MGAT4C: variants seen among roughly 807,000 people sequenced by gnomAD.
The protein encoded by MGAT4C is alpha-1,3-mannosyl-glycoprotein 4-beta-N-acetylglucosaminyltransferase C.
A neutral mutation model predicts 40.1 loss-of-function variants in MGAT4C; 19 were observed. The ratio of observed to expected loss-of-function variants is 0.47; its 90% CI spans 0.33 to 0.70. MGAT4C has a LOEUF of 0.70. MGAT4C is among the 30% of genes least tolerant of loss of function. The probability of loss-of-function intolerance (pLI) is 0.02; values close to 1 mark genes in which losing one functional copy is unlikely to be tolerated. For synonymous variants in MGAT4C, 181 were observed against 187.1 expected, an observed-to-expected ratio of 0.97 and a Z score of 0.27; for missense variants, 491 against 563.2, an observed-to-expected ratio of 0.87 and a Z score of 1.30.
At chr12:86,376,456 T>G (rs530959987) in intron 3 of MGAT4C, among the ~76,000 whole-genome samples, 1 of 152,118 alleles carries the variant, frequency 6.6e-6, no homozygotes, top group South Asian at 2.1e-4. Flanking sequence ...GAAATACAAT[T>G]TTTTAGTCAG....
At chr12:86,621,794 A>C (rs1453060039) in intron 2 of MGAT4C, among the ~76,000 whole-genome samples, 1 of 152,196 alleles carries the variant, frequency 6.6e-6, no homozygotes, top group East Asian at 1.9e-4. Context: ...AAGTTGACTT[A>C]ACAATTTTTC....
chr12:86,488,163 T>C (rs1316346620), intron 2 of MGAT4C, among the ~76,000 whole-genome samples: 1 of 151,214 alleles, frequency 6.6e-6, no homozygotes, highest in Non-Finnish European at 1.5e-5. Flanking sequence ...AGTGAGAGGA[T>C]AGTGTGGACC....
chr12:86,511,784 CA>C (rs1014562371), intron 2 of MGAT4C, among the ~76,000 whole-genome samples: 2 of 152,048 alleles, frequency 1.3e-5, no homozygotes, highest in African/African-American at 4.8e-5. Flanking sequence ...CTTAAAATAA[CA>C]AAATCCTTGA....
At chr12:86,350,985 A>G (rs978406420) in intron 3 of MGAT4C, among the ~76,000 whole-genome samples, 3 of 151,660 alleles carry the variant, frequency 2.0e-5, no homozygotes, top group Non-Finnish European at 4.4e-5. Context: ...ATATCTATAT[A>G]TATAAACCCA....
At position 86,700,009 on chromosome 12, in the gene MGAT4C, T is replaced by A. The variant is rs116613486; in HGVS notation, c.-229+27200A>T. Among the ~76,000 whole-genome samples, 498 of 136,558 alleles carry A rather than the reference T, an allele frequency of 3.6e-3. 4 individuals carry two copies. Among genetic ancestry groups the A allele is most frequent in the African/African-American group, 0.013 (476 of 37,274 alleles). 89.6% of individuals were successfully genotyped at this position (136,558 alleles called of 152,430 possible). On this transcript the variant is annotated intron_variant, in intron 2 of 7. Coordinates refer to the MGAT4C transcript ENST00000548651. ...ATTGGGCCTATGCAGTTCAAATCTA[T>A]GTTGTTCAGGGGTCAAATTTAGATA...
rs1371830098 is a variant in MGAT4C at position 86,550,518 on chromosome 12, A to AC, written c.-228-115254dup. Among the ~76,000 whole-genome samples, 12 of 152,276 alleles carry AC rather than the reference A, an allele frequency of 7.9e-5. 1 individual carries two copies. Among genetic ancestry groups the AC allele is most frequent in the Middle Eastern group, 6.8e-3 (2 of 294 alleles). ...ACAGGGTCATCTGGAAATGAGTGCC[A>AC]CCTCTGGAGTGTGCCCTGCTTTGAG... is the stretch of plus-strand genomic sequence containing the variant. On this transcript the variant is annotated intron_variant, in intron 2 of 7. Transcript: ENST00000548651.
chr12:86,002,561 TTATAA>T (rs1458229397), intron 2 of MGAT4C: 3 of 151,528 alleles, frequency 2.0e-5, no homozygotes, highest in Admixed American at 6.6e-5. Context: ...TTAAGATCTC[TTATAA>T]TATATGTATA....
chr12:86,118,077 A>C (rs2135671187), intron 1 of MGAT4C, among the ~76,000 whole-genome samples: 1 of 152,320 alleles, frequency 6.6e-6, no homozygotes, highest in African/African-American at 2.4e-5. Flanking sequence ...ACTACCTTCA[A>C]ATAACTAGAA....
At chr12:86,519,329 A>G (rs1032075601) in intron 2 of MGAT4C, among the ~76,000 whole-genome samples, 11 of 152,170 alleles carry the variant, frequency 7.2e-5, no homozygotes, top group African/African-American at 2.7e-4. Context: ...GGTTGATTCC[A>G]TATTTTGGCT....
intron 1 of MGAT4C, among the ~76,000 whole-genome samples, chr12:86,115,414 A>T (rs889105820): frequency 1.3e-5 from 2 of 152,034 alleles, no homozygotes; most frequent in African/African-American, 4.8e-5. Context: ...ATACTAATTT[A>T]AATGACACAA....
chr12:86,469,761 A>C (rs1957732063), intron 2 of MGAT4C, among the ~76,000 whole-genome samples: 1 of 152,240 alleles, frequency 6.6e-6, no homozygotes, highest in South Asian at 2.1e-4. Flanking sequence ...ACCCATAGAA[A>C]CTGTGAGATA....
chr12:86,787,900 C>A (rs1951959515), intron 1 of MGAT4C, among the ~76,000 whole-genome samples: 1 of 152,130 alleles, frequency 6.6e-6, no homozygotes, highest in Admixed American at 6.6e-5. Flanking sequence ...GAGAGGAATA[C>A]CTTTGGCCAA....
intron 4 of MGAT4C, among the ~76,000 whole-genome samples, chr12:86,281,614 C>T (rs1953221692): frequency 6.6e-6 from 1 of 151,950 alleles, no homozygotes; most frequent in African/African-American, 2.4e-5. Flanking sequence ...GAACTCATGG[C>T]CTGAAGTCAT....
In MGAT4C at chr12:86,129,010, A is replaced by G. The variant is rs574508495; in HGVS notation, c.-56-79287T>C. ...ATTTGGGTTTACTTCTAGGTTCTCT[A>G]TTATGTTCCATTGGTCTATGTGCCT... is the stretch of plus-strand genomic sequence containing the variant. On this transcript the variant is annotated intron_variant, in intron 1 of 4. Coordinates refer to ENST00000611864, the MANE Select transcript of MGAT4C (RefSeq NM_001351288.2). Among the ~76,000 whole-genome samples the G allele has an allele frequency of 5.3e-5, 8 of 152,206 alleles. No individual in the cohort carries two copies. The South Asian group carries it at 1.7e-3, about 32-fold the overall frequency.
At chr12:86,284,369 C>G (rs541291527) in intron 4 of MGAT4C, among the ~76,000 whole-genome samples, 1 of 151,912 alleles carries the variant, frequency 6.6e-6, no homozygotes, top group East Asian at 1.9e-4. Context: ...CCTCGCAAAG[C>G]TTCTCTGGAG....
intron 1 of MGAT4C, among the ~76,000 whole-genome samples, chr12:86,198,040 T>C (rs1949891270): frequency 6.6e-6 from 1 of 152,188 alleles, no homozygotes; most frequent in African/African-American, 2.4e-5. Context: ...CATGGCTCCC[T>C]AAGTTTCATT....
chr12:86,139,940 C>A (rs1882594566), intron 1 of MGAT4C, among the ~76,000 whole-genome samples: 2 of 152,148 alleles, frequency 1.3e-5, no homozygotes, highest in African/African-American at 2.4e-5. Context: ...GTCACCCAAA[C>A]CTTGCCTAAA....
At chr12:86,166,946 T>C (rs1161756880) in intron 1 of MGAT4C, among the ~76,000 whole-genome samples, 3 of 152,208 alleles carry the variant, frequency 2.0e-5, no homozygotes, top group African/African-American at 7.2e-5. Context: ...TGCATAATTA[T>C]GAAATAATAT....
rs1179251835 is a variant in MGAT4C, at chr12:85,976,854, C to T, written c.*2435G>A. ...TAAATATAGGAAATAGAACATTGGG[C>T]CATGCTAAAAAAATTGTTCAGATTT... On this transcript the variant is annotated 3_prime_UTR_variant, in exon 5 of 5. Coordinates refer to ENST00000611864, the MANE Select transcript of MGAT4C (RefSeq NM_001351288.2). 2 of 150,556 alleles carry T rather than the reference C, an allele frequency of 1.3e-5. No homozygotes were observed. The highest frequency in any genetic ancestry group is 2.4e-5 in the African/African-American group (1 of 41,186). 9.3% of individuals were successfully genotyped at this position (150,556 alleles called of 1,614,324 possible). A position where few individuals can be genotyped will look rare whatever the true frequency, so the allele number is the denominator to read the frequency against.
Sources: allele counts gnomAD v4.1 joint callset (sites outside exome capture counted in the v4.1 genomes callset), GRCh38; gene constraint gnomAD v4.1.1; transcripts MANE v1.5; gene names NCBI Gene and HGNC (gene_info 2026-07-23, HGNC 2026-07-21).